The following EXD2 variants were observed in gnomAD, a reference collection of about 807,000 sequenced individuals.
EXD2 encodes the protein exonuclease 3'-5' domain containing 2.
A neutral mutation model predicts 62.5 loss-of-function variants in EXD2; 40 were observed. The ratio of observed to expected loss-of-function variants is 0.64; its 90% confidence interval spans 0.50 to 0.83. The LOEUF is 0.83. EXD2 is among the 40% of genes least tolerant of loss of function. EXD2 has a pLI of 0.00. For synonymous variants in EXD2, 239 were observed against 291.9 expected, an observed-to-expected ratio of 0.82 and a Z score of 1.85; for missense variants, 671 against 761.8, an observed-to-expected ratio of 0.88 and a Z score of 1.40.
chr14:69,206,455 C>CCTTTTTTTTT (rs60787528), intron 2 of EXD2, among the ~76,000 whole-genome samples: 1,421 of 94,632 alleles, frequency 0.015, 459 homozygotes, highest in African/African-American at 0.05. Context: ...CACCCACCCA[C>CCTTTTTTTTT]TTTTTTTTTT....
At chr14:69,217,760 A>C (rs1243628224) in intron 3 of EXD2, among the ~76,000 whole-genome samples, 1 of 152,002 alleles carries the variant, frequency 6.6e-6, no homozygotes, top group Non-Finnish European at 1.5e-5. Flanking sequence ...TCATTGTTCA[A>C]TTCCCACCTA....
intron 3 of EXD2, among the ~76,000 whole-genome samples, chr14:69,220,245 G>C (rs1566829130): frequency 3.5e-5 from 3 of 85,300 alleles, no homozygotes; most frequent in African/African-American, 9.4e-5. Flanking sequence ...CAAGTGTTTT[G>C]TCTCTCTGTT....
chr14:69,209,821 AGT>A lies in EXD2; in HGVS notation c.333+19_333+20del. The A allele has an allele frequency of 7.4e-7, 1 of 1,359,564 alleles. No homozygotes were observed. Among genetic ancestry groups the A allele is most frequent in the Non-Finnish European group, 9.7e-7 (1 of 1,031,442 alleles). 84.2% of individuals were successfully genotyped at this position (1,359,564 alleles called of 1,614,324 possible). On this transcript the variant is annotated intron_variant, in intron 3 of 9. Transcript: ENST00000685843. ...GTGAGTGGGTAAGTTAAAAAGCAAA[AGT>A]TAAAAAAAAAAAAAAAAAACAACTT... is the stretch of plus-strand genomic sequence containing the variant.
At chr14:69,203,046 C>T (rs920319305) in intron 1 of EXD2, among the ~76,000 whole-genome samples, 1 of 151,958 alleles carries the variant, frequency 6.6e-6, no homozygotes, top group South Asian at 2.1e-4. Flanking sequence ...TCAGTTAGAC[C>T]GTGTCTCAAG....
At chr14:69,201,055 CAA>C (rs1484059840) in intron 1 of EXD2, among the ~76,000 whole-genome samples, 5 of 145,832 alleles carry the variant, frequency 3.4e-5, no homozygotes, top group Admixed American at 6.9e-5. Flanking sequence ...GCCGGAGTGA[CAA>C]GAGCAAAACT....
At chr14:69,220,158 C>T (rs1357735406) in intron 3 of EXD2, among the ~76,000 whole-genome samples, 6 of 150,306 alleles carry the variant, frequency 4.0e-5, no homozygotes, top group African/African-American at 1.5e-4. Context: ...GATAAATGCC[C>T]TCCTCCTGTC....
rs1292757947 is a variant in EXD2 at position 69,228,870 on chromosome 14, A to G, written c.388A>G (p.Ser130Gly). 1.2e-6 allele frequency: 2 copies of G among 1,614,122 alleles called. No individual in the cohort carries two copies. Among genetic ancestry groups the G allele is most frequent in the Admixed American group, 3.3e-5 (2 of 60,016 alleles). ...GTCACTTCTACAAATGGCCTCCCCA[A>G]GTGGCCTGTGTGTCTTGGTTCGCCT... ...PLSLLQMASP[S>G]GLCVLVRLPK... The change falls in exon 4 of 10, where the codon AGT (serine) becomes GGT (glycine). Residue 130 changes from serine to glycine, a missense_variant. Coordinates refer to ENST00000685843, the MANE Select transcript of EXD2 (RefSeq NM_001193360.2).
At chr14:69,206,941 G>A (rs1594738384) in intron 2 of EXD2, among the ~76,000 whole-genome samples, 1 of 152,156 alleles carries the variant, frequency 6.6e-6, no homozygotes, top group East Asian at 1.9e-4. Context: ...TGTCTTCTCA[G>A]ATTACCTTAA....
At chr14:69,229,558 A>T (rs1356135873) in intron 4 of EXD2, among the ~76,000 whole-genome samples, 1 of 151,810 alleles carries the variant, frequency 6.6e-6, no homozygotes, top group Non-Finnish European at 1.5e-5. Context: ...AGTCCCCACC[A>T]CTCCCATTGT....
At chr14:69,215,293 AAT>A (rs1181357825) in intron 3 of EXD2, among the ~76,000 whole-genome samples, 3 of 71,752 alleles carry the variant, frequency 4.2e-5, no homozygotes, top group South Asian at 9.0e-4. Flanking sequence ...CCATCTCAAA[AAT>A]ATATGTGTGT....
intron 3 of EXD2, among the ~76,000 whole-genome samples, chr14:69,215,294 ATATATGTG>A (rs1347839781): frequency 1.8e-4 from 25 of 137,266 alleles, no homozygotes; most frequent in South Asian, 1.6e-3. Flanking sequence ...CATCTCAAAA[ATATATGTG>A]TGTGTGTGTG....
Position 69,235,011 on chromosome 14 carries a change from G to A in EXD2, c.1029G>A (p.Leu343=). Residue 343 remains leucine (L), a synonymous_variant, in exon 6 of 10, where the codon CTG becomes CTA. Coordinates refer to ENST00000685843, the MANE Select transcript of EXD2 (RefSeq NM_001193360.2). ...RDPRKHKRKP[L]GVGYSARKSP... ...CCAGAAAACATAAAAGAAAGCCTCT[G>A]GGGGTGGGCTATTCTGCCAGGTAAC... is the stretch of plus-strand genomic sequence containing the variant. The A allele has an allele frequency of 6.3e-7, 1 of 1,597,798 alleles. No homozygotes were observed. The highest frequency in any genetic ancestry group is 1.1e-5 in the South Asian group (1 of 88,112).
In EXD2 at chr14:69,241,413, GT is replaced by G; in HGVS notation, c.*314del. 3.2e-6 allele frequency: 1 copy of G among 313,882 alleles called. No homozygotes were observed. The highest frequency in any genetic ancestry group is 5.9e-6 in the Non-Finnish European group (1 of 170,642). 19.4% of individuals were successfully genotyped at this position (313,882 alleles called of 1,614,324 possible). On this transcript the variant is annotated 3_prime_UTR_variant, in exon 10 of 10. Coordinates refer to ENST00000685843, the MANE Select transcript of EXD2 (RefSeq NM_001193360.2). ...GGAAAAATGAAGAATTCTCCCAGAA[GT>G]GACTTGTCAAGACTTAAAAAAAATG...
chr14:69,217,996 C>T (rs763843079), intron 3 of EXD2, among the ~76,000 whole-genome samples: 3 of 152,150 alleles, frequency 2.0e-5, no homozygotes, highest in Non-Finnish European at 4.4e-5. Context: ...AATAAACATA[C>T]GTGTGCATGT....
rs1156727001 is a variant in EXD2, at chr14:69,209,654, C to T, written c.184C>T (p.His62Tyr). The change falls in exon 3 of 10, where the codon CAC becomes TAC. Residue 62 changes from histidine (H) to tyrosine (Y), a missense_variant. By Grantham distance (83) the His-to-Tyr change is moderately conservative (BLOSUM62 2). Coordinates refer to ENST00000685843, the MANE Select transcript of EXD2 (RefSeq NM_001193360.2). ...ELPPPEDDQL[H>Y]SSAPRSSWKE... ...GCCCCCTCCAGAAGATGATCAGCTGCACTCCAGTGCCCCCAGATCCTCGTG... is the reference window on the plus strand; with the variant it reads ...GCCCCCTCCAGAAGATGATCAGCTGTACTCCAGTGCCCCCAGATCCTCGTG... 6.4e-7 allele frequency: 1 copy of T among 1,550,416 alleles called. No homozygotes were observed. The highest frequency in any genetic ancestry group is 1.4e-5 in the African/African-American group (1 of 73,022).
chr14:69,235,150 G>A (rs988109953), intron 6 of EXD2, 119 bp downstream of exon 6: 1 of 802,796 alleles, frequency 1.2e-6, no homozygotes, highest in Non-Finnish European at 1.9e-6. Flanking sequence ...CTCTCCCGGG[G>A]TTAATCTTGC....
chr14:69,216,220 G>A (rs1408301945), intron 3 of EXD2, among the ~76,000 whole-genome samples: 2 of 152,148 alleles, frequency 1.3e-5, no homozygotes, highest in African/African-American at 4.8e-5. Flanking sequence ...AACCTTTCCT[G>A]ATTGCTCTGC....
chr14:69,230,883 A>G (rs148310459), intron 5 of EXD2, among the ~76,000 whole-genome samples: 3,706 of 152,284 alleles, frequency 0.024, 74 homozygotes, highest in Non-Finnish European at 0.037. Context: ...CCTGGGTTCA[A>G]GCAATTCTCC....
chr14:69,192,462 G>A (rs1314175573), intron 1 of EXD2, among the ~76,000 whole-genome samples: 2 of 149,804 alleles, frequency 1.3e-5, no homozygotes, highest in Non-Finnish European at 3.0e-5. Context: ...TATAGTCCGT[G>A]CATAAAGCCT....
Sources: allele counts gnomAD v4.1 joint callset (sites outside exome capture counted in the v4.1 genomes callset), GRCh38; gene constraint gnomAD v4.1.1; transcripts MANE v1.5; gene names NCBI Gene and HGNC (gene_info 2026-07-23, HGNC 2026-07-21).